Variants in TOR3A observed in about 807,000 individuals in gnomAD.
The protein encoded by TOR3A is torsin family 3 member A.
In TOR3A, 44 loss-of-function variants were observed where a neutral mutation model predicts 42.1. The ratio of observed to expected loss-of-function variants is 1.04; its 90% confidence interval spans 0.82 to 1.34. The LOEUF (loss-of-function observed/expected upper bound fraction) is 1.34. Among genes scored for constraint, TOR3A ranks in the 40% most tolerant of loss-of-function variants. The pLI is 0.00. For missense variants in TOR3A, 521 were observed against 507.6 expected (o/e 1.03, Z -0.25); for synonymous variants, 227 against 213.2 (o/e 1.06, Z -0.57).
chr1:179,095,161 C>CT lies in TOR3A; in HGVS notation c.1141dup (p.Ser381PhefsTer13). 8 of 1,614,168 alleles carry CT rather than the reference C, an allele frequency of 5.0e-6. No homozygotes were observed. The highest frequency in any genetic ancestry group is 6.8e-6 in the Non-Finnish European group (8 of 1,180,030). ...TGTATGTCCCCAAGGAGGAACAACTCTTTTCTTCCCAGGGCTGCAAGTCTA... is the reference window on the plus strand; with the variant it reads ...TGTATGTCCCCAAGGAGGAACAACTCTTTTTCTTCCCAGGGCTGCAAGTCTA... On this transcript the variant is annotated frameshift_variant, in exon 6 of 6. Coordinates refer to ENST00000367627, the MANE Select transcript of TOR3A (RefSeq NM_022371.4). LOFTEE classifies it high-confidence loss of function.
intron 3 of TOR3A, 73 bp from the exon 4 acceptor site, chr1:179,087,838 G>T: frequency 6.9e-7 from 1 of 1,450,678 alleles, no homozygotes; most frequent in Non-Finnish European, 9.2e-7. Context: ...ACATGCCCAG[G>T]GGAAACCACG....
chr1:179,087,928 G>T lies in TOR3A; in HGVS notation c.657G>T (p.Gln219His). The change falls in exon 4 of 6, where the codon CAG becomes CAT. Residue 219 changes from glutamine to histidine, a missense_variant. By Grantham distance (24) the Gln-to-His change is conservative (BLOSUM62 0). Transcript: ENST00000367627. ...VDLYKEQLMS[Q>H]IRETQQLCHQ... Reference sequence around the variant, plus strand: ...CCGTGCAGGAGCAGCTGATGAGCCAGATCCGGGAGACGCAGCAGCTCTGCC... The same window carrying T: ...CCGTGCAGGAGCAGCTGATGAGCCATATCCGGGAGACGCAGCAGCTCTGCC... 1 of 1,596,592 alleles carries T rather than the reference G, an allele frequency of 6.3e-7. No individual in the cohort carries two copies. The highest frequency in any genetic ancestry group is 1.7e-5 in the Admixed American group (1 of 57,228).
At chr1:179,088,574 T>G (rs915327521) in intron 4 of TOR3A, 3 of 152,402 alleles carry the variant, frequency 2.0e-5, no homozygotes, top group African/African-American at 7.2e-5. Context: ...CATTTCTTCC[T>G]TCAGCCTTGG....
chr1:179,093,824 C>T (rs1652660143), intron 4 of TOR3A, among the ~76,000 whole-genome samples: 1 of 152,162 alleles, frequency 6.6e-6, no homozygotes, highest in African/African-American at 2.4e-5. Context: ...CATATCTTAC[C>T]ATCTTTTCAT....
intron 2 of TOR3A, among the ~76,000 whole-genome samples, chr1:179,084,822 C>T (rs1205499416): frequency 6.6e-6 from 1 of 152,214 alleles, no homozygotes; most frequent in Non-Finnish European, 1.5e-5. Flanking sequence ...TGCACTGTGG[C>T]TCCTGGTAGC....
Position 179,085,680 on chromosome 1 carries a change from G to C in TOR3A, c.426G>C (p.Gln142His), listed in dbSNP as rs750944050. ...VRLHGQHLVQ[Q>H]LVLRTVRGYL... ...TGCATGGCCAGCATTTGGTCCAGCAGCTGGTCCTAAGAACAGTGAGGGGCT... is the reference window on the plus strand; with the variant it reads ...TGCATGGCCAGCATTTGGTCCAGCACCTGGTCCTAAGAACAGTGAGGGGCT... Residue 142 changes from glutamine to histidine, a missense_variant, in exon 3 of 6, where the codon CAG (glutamine) becomes CAC (histidine). Physicochemically the swap from Gln to His is conservative, Grantham distance 24. Coordinates refer to ENST00000367627, the MANE Select transcript of TOR3A (RefSeq NM_022371.4). 2 of 1,614,098 alleles carry C rather than the reference G, an allele frequency of 1.2e-6. No individual in the cohort carries two copies. Among genetic ancestry groups the C allele is most frequent in the African/African-American group, 2.7e-5 (2 of 74,934 alleles).
intron 4 of TOR3A, 140 bp downstream of exon 4, chr1:179,088,229 C>A: frequency 1.0e-6 from 1 of 963,458 alleles, no homozygotes; most frequent in Non-Finnish European, 1.4e-6. Context: ...AAGCAGCAGC[C>A]AGCTGTGGTA....
At chr1:179,082,667 G>A (rs752352218) in intron 1 of TOR3A, 7 of 706,616 alleles carry the variant, frequency 9.9e-6, no homozygotes, top group Non-Finnish European at 1.8e-5. Context: ...CGCACCGCCT[G>A]TGCCATCTCC....
chr1:179,082,361 A>T lies in TOR3A; in HGVS notation c.233A>T (p.Asp78Val). 1.2e-6 allele frequency: 2 copies of T among 1,606,728 alleles called. No homozygotes were observed. The highest frequency in any genetic ancestry group is 1.7e-6 in the Non-Finnish European group (2 of 1,177,788). ...GTGTGGCCCGACGACTGTGACGAGGACGAGGAGGCAGCCACGGGGCCCCTG... is the reference window on the plus strand; with the variant it reads ...GTGTGGCCCGACGACTGTGACGAGGTCGAGGAGGCAGCCACGGGGCCCCTG... The part of the protein sequence containing the change: ...CQVWPDDCDE[D>V]EEAATGPLGW... The change falls in exon 1 of 6, where the codon GAC becomes GTC. Residue 78 changes from aspartate (D) to valine (V), a missense_variant. Coordinates refer to ENST00000367627, the MANE Select transcript of TOR3A (RefSeq NM_022371.4).
At chr1:179,082,500 C>T (rs959299875) in intron 1 of TOR3A, 113 bp downstream of exon 1, 2 of 1,417,476 alleles carry the variant, frequency 1.4e-6, no homozygotes, top group East Asian at 2.5e-5. Context: ...CAGTCCTGCT[C>T]TGCTCAGCCG....
rs2102540193 is a variant in TOR3A at position 179,082,336 on chromosome 1, G to T, written c.208G>T (p.Val70Leu). 1.2e-6 allele frequency: 2 copies of T among 1,605,710 alleles called. No homozygotes were observed. The highest frequency in any genetic ancestry group is 2.3e-5 in the East Asian group (1 of 43,948). ...KRYWTLFSCQ[V>L]WPDDCDEDEE... ...GTACTGGACGCTCTTCAGCTGCCAG[G>T]TGTGGCCCGACGACTGTGACGAGGA... Residue 70 changes from valine (V) to leucine (L), a missense_variant, in exon 1 of 6, where the codon GTG becomes TTG. Val to Leu is a conservative substitution (Grantham distance 32). Transcript: ENST00000367627.
Position 179,095,432 on chromosome 1 carries a change from A to C in TOR3A, c.*214A>C. The stretch of plus-strand genomic sequence containing the variant: ...TTTTTTGGAGGTCCCACCGAGATAG[A>C]TAGGAACTTGGATTGCTGAATTCAA... On this transcript the variant is annotated 3_prime_UTR_variant, in exon 6 of 6. Transcript: ENST00000367627. 7.1e-7 allele frequency: 1 copy of C among 1,404,570 alleles called. No homozygotes were observed. The highest frequency in any genetic ancestry group is 1.7e-5 in the South Asian group (1 of 59,142). The allele number at this position is 1,404,570 out of a possible 1,614,324, so 87.0% of individuals were successfully genotyped here.
intron 2 of TOR3A, chr1:179,085,340 C>T (rs1393290156): frequency 6.1e-6 from 2 of 328,288 alleles, no homozygotes; most frequent in Admixed American, 8.4e-5. Context: ...AGGAGAATCG[C>T]TTGAACCAGG....
At position 179,082,259 on chromosome 1, in the gene TOR3A, G is replaced by A. The variant is rs1303625906; in HGVS notation, c.131G>A (p.Gly44Asp). Residue 44 changes from glycine to aspartate, a missense_variant, in exon 1 of 6, where the codon GGC (glycine) becomes GAC (aspartate). Coordinates refer to ENST00000367627, the MANE Select transcript of TOR3A (RefSeq NM_022371.4). ...DEPGSAWAWPGFQRLQEQLRA... is the reference protein window; with the variant it reads ...DEPGSAWAWPDFQRLQEQLRA... ...CCGGGCTCGGCCTGGGCCTGGCCGGGCTTCCAGCGCCTGCAGGAGCAGCTC... is the reference window on the plus strand; with the variant it reads ...CCGGGCTCGGCCTGGGCCTGGCCGGACTTCCAGCGCCTGCAGGAGCAGCTC... The A allele has an allele frequency of 1.3e-6, 2 of 1,554,632 alleles. No individual in the cohort carries two copies.
At chr1:179,086,573 G>A (rs1652442087) in intron 3 of TOR3A, among the ~76,000 whole-genome samples, 3 of 151,836 alleles carry the variant, frequency 2.0e-5, no homozygotes, top group Non-Finnish European at 1.5e-5. Flanking sequence ...GGCTGAGGCC[G>A]GAGAATGGCG....
Position 179,082,285 on chromosome 1 carries a change from A to C in TOR3A, c.157A>C (p.Arg53=), listed in dbSNP as rs541981169. 47 of 1,580,610 alleles carry C rather than the reference A, an allele frequency of 3.0e-5. 3 individuals carry two copies. The South Asian group carries it at 5.0e-4, about 17-fold the overall frequency. Residue 53 remains arginine, a synonymous_variant, in exon 1 of 6, where the codon AGG becomes CGG. Coordinates refer to ENST00000367627, the MANE Select transcript of TOR3A (RefSeq NM_022371.4). ...PGFQRLQEQL[R]AAGALSKRYW... is the part of the protein sequence containing the mutation. ...CTTCCAGCGCCTGCAGGAGCAGCTC[A>C]GGGCGGCGGGTGCCCTCTCCAAGCG...
chr1:179,089,209 T>C (rs1438950932), intron 4 of TOR3A, among the ~76,000 whole-genome samples: 1 of 151,824 alleles, frequency 6.6e-6, no homozygotes, highest in East Asian at 1.9e-4. Context: ...TAATCCCAGC[T>C]ACTCGGGAGG....
At chr1:179,086,042 T>C in intron 3 of TOR3A, 149 bp downstream of exon 3, 1 of 955,702 alleles carries the variant, frequency 1.0e-6, no homozygotes, top group Admixed American at 2.7e-5. Context: ...CGTCCACTCC[T>C]CACAGAGGCC....
chr1:179,090,721 A>C (rs551455815), intron 4 of TOR3A, among the ~76,000 whole-genome samples: 1 of 152,264 alleles, frequency 6.6e-6, no homozygotes, highest in East Asian at 1.9e-4. Context: ...ACTGGGCACC[A>C]GGAAAGTAAC....
Sources: allele counts gnomAD v4.1 joint callset (sites outside exome capture counted in the v4.1 genomes callset), GRCh38; gene constraint gnomAD v4.1.1; transcripts MANE v1.5; gene names NCBI Gene and HGNC (gene_info 2026-07-23, HGNC 2026-07-21).